Variants in UBE3C observed in about 807,000 individuals in gnomAD.
UBE3C encodes ubiquitin-protein ligase E3C.
A neutral mutation model predicts 129.4 loss-of-function variants in UBE3C; 42 were observed. That is an observed-to-expected ratio of 0.32 (90% CI 0.25 to 0.42). UBE3C has a LOEUF of 0.42. UBE3C is among the 10% of genes least tolerant of loss of function. The pLI, the probability that UBE3C is intolerant of heterozygous loss-of-function variation, is 1.00. For synonymous variants in UBE3C, 510 were observed against 492.4 expected (o/e 1.04, Z -0.47); for missense variants, 1,049 against 1,319.1 (o/e 0.80, Z 3.17).
intron 22 of UBE3C, 98 bp downstream of exon 22, chr7:157,257,142 T>A: frequency 3.4e-6 from 5 of 1,490,106 alleles, no homozygotes; most frequent in Non-Finnish European, 4.5e-6. Flanking sequence ...TTACATACAC[T>A]TTTGTTTTTA....
rs1808817114 is a variant in UBE3C at position 157,186,752 on chromosome 7, T to C, written c.1144-82T>C. The C allele has an allele frequency of 4.0e-6, 6 of 1,499,802 alleles. No individual in the cohort carries two copies. The South Asian group carries it at 6.2e-5, about 15-fold the overall frequency. 92.9% of individuals were successfully genotyped at this position (1,499,802 alleles called of 1,614,324 possible). A position where few individuals can be genotyped will look rare whatever the true frequency, so the allele number is the denominator to read the frequency against. The stretch of plus-strand genomic sequence containing the variant: ...CTAGCTTTCTTTGCCCGAAGAAAAA[T>C]GTGATTTCGTATATGTTTGTAGTGT... On this transcript the variant is annotated intron_variant, in intron 9 of 22. Transcript: ENST00000348165.
At chr7:157,244,228 C>T (rs529174075) in intron 18 of UBE3C, among the ~76,000 whole-genome samples, 5 of 151,978 alleles carry the variant, frequency 3.3e-5, no homozygotes, top group East Asian at 1.9e-4. Context: ...AGTGAAACTC[C>T]GTCTCGAAAA....
rs777677064 is a variant in UBE3C, at chr7:157,178,753, A to G, written c.522A>G (p.Val174=). 1.5e-5 allele frequency: 25 copies of G among 1,614,172 alleles called. No homozygotes were observed. The highest frequency in any genetic ancestry group is 2.1e-5 in the Non-Finnish European group (25 of 1,180,036). Residue 174 remains valine (V), a synonymous_variant, in exon 6 of 23, where the codon GTA becomes GTG. Coordinates refer to ENST00000348165, the MANE Select transcript of UBE3C (RefSeq NM_014671.3). ...CACTTCCAATGAGAATGCTTGAAGT[A>G]TTTTCGTCTGAGAATACTTACTTGC... is the stretch of plus-strand genomic sequence containing the variant. ...NVALPMRMLE[V]FSSENTYLPV...
intron 17 of UBE3C, among the ~76,000 whole-genome samples, chr7:157,229,324 T>C (rs1481602459): frequency 5.9e-5 from 9 of 152,242 alleles, no homozygotes; most frequent in Admixed American, 5.9e-4. Context: ...TTTGTTTGTT[T>C]GTTTTTTGAA....
At chr7:157,216,437 G>A (rs184647790) in intron 13 of UBE3C, among the ~76,000 whole-genome samples, 10 of 150,970 alleles carry the variant, frequency 6.6e-5, no homozygotes, top group Non-Finnish European at 1.0e-4. Context: ...TTTGTTGTAC[G>A]CATCCTTAGA....
intron 9 of UBE3C, among the ~76,000 whole-genome samples, chr7:157,185,367 ACT>A (rs1808777816): frequency 6.6e-6 from 1 of 152,106 alleles, no homozygotes; most frequent in Non-Finnish European, 1.5e-5. Context: ...AGAAAATATT[ACT>A]CTATATTCTT....
intron 10 of UBE3C, among the ~76,000 whole-genome samples, chr7:157,195,527 A>G (rs866655025): frequency 1.1e-4 from 17 of 152,306 alleles, no homozygotes; most frequent in African/African-American, 4.1e-4. Context: ...GATGGTGCTG[A>G]TGGCTCCTTT....
At chr7:157,250,961 G>C (rs1316320928) in intron 19 of UBE3C, among the ~76,000 whole-genome samples, 2 of 152,160 alleles carry the variant, frequency 1.3e-5, no homozygotes, top group Admixed American at 6.5e-5. Context: ...TTAAAGCACT[G>C]CCGATAATAC....
chr7:157,260,042 A>G (rs1454344322), intron 22 of UBE3C, among the ~76,000 whole-genome samples: 1 of 152,230 alleles, frequency 6.6e-6, no homozygotes, highest in Non-Finnish European at 1.5e-5. Context: ...ATAAAGACGT[A>G]TAAACTTAAA....
At chr7:157,191,628 A>G (rs958324915) in intron 10 of UBE3C, among the ~76,000 whole-genome samples, 3 of 152,112 alleles carry the variant, frequency 2.0e-5, no homozygotes, top group African/African-American at 4.8e-5. Flanking sequence ...TTTCTTTGCC[A>G]TGTGTTTTCT....
intron 18 of UBE3C, 160 bp downstream of exon 18, chr7:157,231,487 G>A: frequency 1.9e-6 from 2 of 1,025,910 alleles, no homozygotes; most frequent in Middle Eastern, 3.2e-4. Context: ...TTGTATGGTT[G>A]TAAGTAGGTG....
chr7:157,181,453 T>C (rs1808663082), intron 6 of UBE3C, 65 bp from the exon 7 acceptor site: 1 of 1,435,604 alleles, frequency 7.0e-7, no homozygotes, highest in Non-Finnish European at 9.4e-7. Flanking sequence ...ATTTAAAAAT[T>C]GGCAAGTTTT....
intron 13 of UBE3C, among the ~76,000 whole-genome samples, chr7:157,211,191 A>AGAGAGAGAGAGCGC (rs1481725592): frequency 1.3e-5 from 2 of 151,582 alleles, no homozygotes; most frequent in African/African-American, 4.9e-5. Flanking sequence ...AGAGAGAGAG[A>AGAGAGAGAGAGCGC]GAGCCATACT....
intron 18 of UBE3C, among the ~76,000 whole-genome samples, chr7:157,237,200 G>T (rs1321400718): frequency 2.6e-5 from 4 of 152,068 alleles, no homozygotes; most frequent in African/African-American, 9.7e-5. Context: ...CCAACACTTT[G>T]GGAGGCCGAG....
chr7:157,208,698 A>T (rs1809507787), intron 13 of UBE3C, among the ~76,000 whole-genome samples: 2 of 152,216 alleles, frequency 1.3e-5, no homozygotes, highest in South Asian at 4.1e-4. Context: ...TTATTTTAAC[A>T]TATCTTCGTT....
At chr7:157,238,713 T>G (rs1182397) in intron 18 of UBE3C, among the ~76,000 whole-genome samples, 129,559 of 151,980 alleles carry the variant, frequency 0.85, 55,318 homozygotes, top group East Asian at 0.99. Flanking sequence ...TTAAGGTCAT[T>G]AGCCTGAATT....
intron 16 of UBE3C, 89 bp from the exon 17 acceptor site, chr7:157,225,318 A>G: frequency 4.1e-6 from 6 of 1,451,142 alleles, no homozygotes; most frequent in Non-Finnish European, 5.5e-6. Context: ...TTATGAAGAT[A>G]CAAAAGATAA....
At chr7:157,210,472 A>G (rs17719499) in intron 13 of UBE3C, among the ~76,000 whole-genome samples, 15,490 of 152,166 alleles carry the variant, frequency 0.1, 898 homozygotes, top group African/African-American at 0.14. Context: ...ACACCTCTGT[A>G]GTTAACTGTG....
chr7:157,153,387 G>C lies in UBE3C; in HGVS notation c.67-10423G>C, dbSNP rs140214741. ...AAAATAGTTAACTCTGGAACCAACT[G>C]TCTGTGACTTAGCTGTTCATCTTTT... On this transcript the variant is annotated intron_variant, in intron 1 of 22. Transcript: ENST00000348165. 3.3e-3 allele frequency among the ~76,000 whole-genome samples: 508 copies of C among 152,214 alleles called. 2 individuals are homozygous for C. The highest frequency in any genetic ancestry group is 0.011 in the African/African-American group (473 of 41,524).
Sources: gnomAD v4.1 joint callset for allele counts (sites outside exome capture counted in the v4.1 genomes callset) on GRCh38, gnomAD v4.1.1 for gene constraint, MANE v1.5 for transcripts, NCBI Gene and HGNC (gene_info 2026-07-23, HGNC 2026-07-21) for gene names.